The following DPP6 variants were observed in gnomAD, a reference collection of about 807,000 sequenced individuals.
DPP6 encodes the protein A-type potassium channel modulatory protein DPP6.
Under a neutral mutation model 122.6 loss-of-function variants are expected in DPP6, and 69 were observed. The ratio of observed to expected loss-of-function variants is 0.56; its 90% CI spans 0.46 to 0.69. The LOEUF (loss-of-function observed/expected upper bound fraction) is 0.69, where lower values mean the gene tolerates loss of function less well. Ranked by LOEUF, DPP6 falls within the 30% of genes least tolerant of loss-of-function variation. The probability of loss-of-function intolerance (pLI) is 0.00; values close to 1 mark genes in which losing one functional copy is unlikely to be tolerated. For missense variants in DPP6, 928 were observed against 1,116.9 expected, an observed-to-expected ratio of 0.83 and a Z score of 2.41; for synonymous variants, 418 against 433.1, an observed-to-expected ratio of 0.97 and a Z score of 0.43.
chr7:154,605,577 A>G (rs1298968616), intron 5 of DPP6, among the ~76,000 whole-genome samples: 1 of 119,372 alleles, frequency 8.4e-6, no homozygotes, highest in African/African-American at 2.7e-5. Context: ...TTCTGTCCTT[A>G]TAGTGTTTGT....
chr7:154,068,365 T>C (rs1354508934), intron 1 of DPP6, among the ~76,000 whole-genome samples: 1 of 146,912 alleles, frequency 6.8e-6, no homozygotes, highest in Non-Finnish European at 1.5e-5. Context: ...GTGACTCCCA[T>C]GTTTACAGGC....
chr7:154,125,051 G>A (rs1314112565), intron 1 of DPP6, among the ~76,000 whole-genome samples: 2 of 152,246 alleles, frequency 1.3e-5, no homozygotes, highest in Non-Finnish European at 2.9e-5. Flanking sequence ...TCCAACAGCT[G>A]AGATGCAGTC....
chr7:154,633,614 G>A (rs796881197), intron 5 of DPP6, among the ~76,000 whole-genome samples: 5 of 152,288 alleles, frequency 3.3e-5, no homozygotes, highest in African/African-American at 1.2e-4. Flanking sequence ...TCTCTCTAAG[G>A]AACAAATTCT....
chr7:154,305,420 C>T (rs909822519), intron 1 of DPP6: 4 of 1,256,894 alleles, frequency 3.2e-6, no homozygotes, highest in East Asian at 5.0e-5. Flanking sequence ...CTTACCTTAC[C>T]GCTTGGACTC....
chr7:154,608,320 C>CATATAT lies in DPP6; in HGVS notation c.628-29484_628-29479dup, dbSNP rs35662023. ...CATGCTTGCATTTTTTAGGAGTGAT[C>CATATAT]ATATATATATATATATATATATTTT... On this transcript the variant is annotated intron_variant, in intron 5 of 25. Transcript: ENST00000377770. 1.1e-3 allele frequency among the ~76,000 whole-genome samples: 97 copies of CATATAT among 90,006 alleles called. 12 individuals are homozygous for CATATAT. Among genetic ancestry groups the CATATAT allele is most frequent in the East Asian group, 0.01 (18 of 1,798 alleles). 59.0% of individuals were successfully genotyped at this position (90,006 alleles called of 152,430 possible).
the DPP6 span, among the ~76,000 whole-genome samples, chr7:153,812,187 A>C: frequency 6.6e-6 from 1 of 152,056 alleles, no homozygotes; most frequent in Non-Finnish European, 1.5e-5. Context: ...TCTTGAAGGA[A>C]ACTGGTTTAC....
At chr7:154,568,094 G>A (rs1318420927) in intron 5 of DPP6, among the ~76,000 whole-genome samples, 1 of 152,084 alleles carries the variant, frequency 6.6e-6, no homozygotes, top group Admixed American at 6.5e-5. Context: ...GGATCAGTTG[G>A]TGAACTTGAC....
the DPP6 span, among the ~76,000 whole-genome samples, chr7:153,787,829 T>C: frequency 1.0e-5 from 1 of 96,610 alleles, no homozygotes; most frequent in Non-Finnish European, 2.1e-5. Flanking sequence ...AATAGTGATT[T>C]ACAATTTCTT....
the DPP6 span, among the ~76,000 whole-genome samples, chr7:153,760,979 C>G: frequency 4.6e-5 from 7 of 152,112 alleles, 1 homozygote; most frequent in African/African-American, 7.2e-5. Context: ...TCCCCAGACT[C>G]TCAGCTCCAT....
At chr7:154,365,838 G>C (rs563434267) in intron 1 of DPP6, among the ~76,000 whole-genome samples, 1 of 151,918 alleles carries the variant, frequency 6.6e-6, no homozygotes, top group Non-Finnish European at 1.5e-5. Flanking sequence ...GACGCCTGTA[G>C]TCCCAGCTAC....
At chr7:154,178,295 G>A (rs1797905988) in intron 1 of DPP6, among the ~76,000 whole-genome samples, 2 of 151,630 alleles carry the variant, frequency 1.3e-5, no homozygotes, top group South Asian at 4.2e-4. Context: ...AGTCACTGTT[G>A]AACAAACTCT....
At chr7:154,698,071 C>A (rs1278416687) in intron 7 of DPP6, among the ~76,000 whole-genome samples, 2 of 152,124 alleles carry the variant, frequency 1.3e-5, no homozygotes, top group Admixed American at 6.5e-5. Context: ...GACCCAGTAT[C>A]TAAAATTACT....
intron 1 of DPP6, among the ~76,000 whole-genome samples, chr7:154,406,833 T>C (rs1304340511): frequency 6.6e-6 from 1 of 152,190 alleles, no homozygotes. Context: ...GCAGGATGAA[T>C]GCCAAGATAG....
chr7:154,133,976 C>T (rs1470751632), intron 1 of DPP6, among the ~76,000 whole-genome samples: 1 of 151,776 alleles, frequency 6.6e-6, no homozygotes, highest in Non-Finnish European at 1.5e-5. Flanking sequence ...ACACCCCATG[C>T]TGGAAGAGCT....
intron 1 of DPP6, among the ~76,000 whole-genome samples, chr7:154,172,141 CCTT>C (rs1563275400): frequency 8.2e-6 from 1 of 121,584 alleles, no homozygotes; most frequent in Non-Finnish European, 1.7e-5. Flanking sequence ...TCCCTTCCTT[CCTT>C]CTTCCCTGCC....
rs1348699763 is a variant in DPP6, at chr7:154,606,430, G to A, written c.628-31391G>A. Among the ~76,000 whole-genome samples the A allele has an allele frequency of 5.0e-5, 6 of 120,438 alleles. 1 individual carries two copies. Among genetic ancestry groups the A allele is most frequent in the Non-Finnish European group, 7.5e-5 (4 of 53,458 alleles). The allele number at this position is 120,438 out of a possible 152,430, so 79.0% of individuals were successfully genotyped here. A position where few individuals can be genotyped will look rare whatever the true frequency, so the allele number is the denominator to read the frequency against. ...TATTTTCTCAAAGTTATATTTGTCT[G>A]CTGGGAGTATAATTGCACTAGTTTT... On this transcript the variant is annotated intron_variant, in intron 5 of 25. Coordinates refer to ENST00000377770, the MANE Select transcript of DPP6 (RefSeq NM_130797.4).
chr7:154,573,365 C>T (rs1484258023), intron 5 of DPP6, among the ~76,000 whole-genome samples: 3 of 152,190 alleles, frequency 2.0e-5, no homozygotes, highest in African/African-American at 7.2e-5. Flanking sequence ...CTTTCTGCAT[C>T]AGCCCAGTAG....
intron 1 of DPP6, among the ~76,000 whole-genome samples, chr7:153,942,549 G>GA (rs1249996581): frequency 1.3e-5 from 2 of 152,156 alleles, no homozygotes; most frequent in Non-Finnish European, 2.9e-5. Context: ...GGGGAGGAGA[G>GA]AGGGCAGGAA....
intron 5 of DPP6, among the ~76,000 whole-genome samples, chr7:154,599,709 C>A (rs1338037973): frequency 6.6e-6 from 1 of 151,736 alleles, no homozygotes; most frequent in Non-Finnish European, 1.5e-5. Context: ...TGTGATGTTC[C>A]CCACCCTGTG....
Sources: gnomAD v4.1 joint callset for allele counts (sites outside exome capture counted in the v4.1 genomes callset) on GRCh38, gnomAD v4.1.1 for gene constraint, MANE v1.5 for transcripts, NCBI Gene and HGNC (gene_info 2026-07-23, HGNC 2026-07-21) for gene names.